The following EVC2 variants were observed in gnomAD, a reference collection of about 807,000 sequenced individuals.
The protein encoded by EVC2 is limbin.
A neutral mutation model predicts 149.3 loss-of-function variants in EVC2; 148 were observed. The ratio of observed to expected loss-of-function variants is 0.99; its 90% CI spans 0.87 to 1.14. EVC2 has a LOEUF of 1.14. Ranked by LOEUF, EVC2 falls within the 50% of genes most tolerant of loss-of-function variation. EVC2 has a pLI of 0.00. For missense variants in EVC2, 1,854 were observed against 1,627.3 expected (o/e 1.14, Z -2.40); for synonymous variants, 776 against 649.9 (o/e 1.19, Z -2.95).
intron 12 of EVC2, among the ~76,000 whole-genome samples, 191 bp downstream of exon 12, chr4:5,628,368 C>T (rs1348560957): frequency 2.0e-5 from 3 of 152,138 alleles, no homozygotes; most frequent in African/African-American, 7.2e-5. Flanking sequence ...CACTTCTTCC[C>T]ACATGATGCC....
At chr4:5,634,981 G>T (rs186966016) in intron 10 of EVC2, among the ~76,000 whole-genome samples, 36 of 148,324 alleles carry the variant, frequency 2.4e-4, no homozygotes, top group African/African-American at 7.4e-4. Context: ...TGGAAATCTG[G>T]GTTTTCTTAA....
intron 9 of EVC2, among the ~76,000 whole-genome samples, chr4:5,644,434 A>G (rs1253393314): frequency 2.6e-5 from 4 of 151,976 alleles, no homozygotes; most frequent in Non-Finnish European, 5.9e-5. Context: ...CCTCCCGAGT[A>G]GCTGGGACTA....
intron 7 of EVC2, 87 bp from the exon 8 acceptor site, chr4:5,665,736 C>A: frequency 6.4e-7 from 1 of 1,565,338 alleles, no homozygotes; most frequent in Non-Finnish European, 8.7e-7. Flanking sequence ...TCAGAGCAGA[C>A]CAAGCAGGGA....
rs1440162979 is a variant in EVC2 at position 5,637,870 on chromosome 4, T to C, written c.1470+2644A>G. ...TGGTTCTGAAATCAGACAGCCTTTC[T>C]GTAAGGGGCCATATTTTAGAGTTTG... On this transcript the variant is annotated intron_variant, in intron 10 of 21. Transcript: ENST00000344408. The surrounding 1 kb of genome is among the most constrained non-coding windows in gnomAD (Gnocchi z 4.4). Among the ~76,000 whole-genome samples, 1 of 151,986 alleles carries C rather than the reference T, an allele frequency of 6.6e-6. No individual in the cohort carries two copies. Among genetic ancestry groups the C allele is most frequent in the Non-Finnish European group, 1.5e-5 (1 of 67,992 alleles).
intron 21 of EVC2, among the ~76,000 whole-genome samples, chr4:5,550,526 G>C (rs974743465): frequency 6.6e-6 from 1 of 152,202 alleles, no homozygotes; most frequent in African/African-American, 2.4e-5. Flanking sequence ...GAGGTGACTT[G>C]CGTGCTGTTA....
intron 11 of EVC2, among the ~76,000 whole-genome samples, chr4:5,631,091 C>T (rs541601057): frequency 1.3e-5 from 2 of 152,236 alleles, no homozygotes; most frequent in South Asian, 2.1e-4. Flanking sequence ...TTTTCACTAC[C>T]GCCTAAGAAA....
At position 5,562,791 on chromosome 4, in the gene EVC2, G is replaced by C; in HGVS notation, c.*57C>G. On this transcript the variant is annotated 3_prime_UTR_variant, in exon 22 of 22. Transcript: ENST00000344408. The surrounding 1 kb of genome is among the most constrained non-coding windows in gnomAD (Gnocchi z 4.3). ...CATTATAAACACACAAACACCGGCG[G>C]GCAGGAGAAAATCATCCCTTCTCTC... 6.2e-7 allele frequency: 1 copy of C among 1,609,524 alleles called. No homozygotes were observed. Among genetic ancestry groups the C allele is most frequent in the Non-Finnish European group, 8.5e-7 (1 of 1,179,988 alleles).
Position 5,562,937 on chromosome 4 carries a change from C to T in EVC2, c.3838G>A (p.Glu1280Lys). 1 of 1,614,096 alleles carries T rather than the reference C, an allele frequency of 6.2e-7. No homozygotes were observed. The highest frequency in any genetic ancestry group is 8.5e-7 in the Non-Finnish European group (1 of 1,180,022). ...GGAACGTGCAGTGAGATCTCTGGCTCCTTTGGATTTCTGAATATAAAGAGC... is the reference window on the plus strand; with the variant it reads ...GGAACGTGCAGTGAGATCTCTGGCTTCTTTGGATTTCTGAATATAAAGAGC... ...EKLFIFRNPK[E>K]PEISLHVPPR... Residue 1280 changes from glutamate to lysine, a missense_variant, in exon 22 of 22, where the codon GAG becomes AAG. By Grantham distance (56) the Glu-to-Lys change is moderately conservative (BLOSUM62 1). Coordinates refer to ENST00000344408, the MANE Select transcript of EVC2 (RefSeq NM_147127.5). The surrounding 1 kb of genome is among the most constrained non-coding windows in gnomAD (Gnocchi z 4.3).
At chr4:5,706,189 T>C (rs1722119874) in intron 1 of EVC2, among the ~76,000 whole-genome samples, 1 of 151,684 alleles carries the variant, frequency 6.6e-6, no homozygotes, top group South Asian at 2.1e-4. Flanking sequence ...CCACCCTCTC[T>C]CACGGCTCCC....
Position 5,636,648 on chromosome 4 carries a change from T to C in EVC2, c.1470+3866A>G, listed in dbSNP as rs1716906502. Among the ~76,000 whole-genome samples, 1 of 151,890 alleles carries C rather than the reference T, an allele frequency of 6.6e-6. No individual in the cohort carries two copies. The highest frequency in any genetic ancestry group is 1.5e-5 in the Non-Finnish European group (1 of 67,944). On this transcript the variant is annotated intron_variant, in intron 10 of 21. Coordinates refer to ENST00000344408, the MANE Select transcript of EVC2 (RefSeq NM_147127.5). The surrounding 1 kb of genome is among the most constrained non-coding windows in gnomAD (Gnocchi z 4.6). ...GAGAATTTGTGGATTTTGGTATCCA[T>C]GGGGGTGGGATGGTGGGGAGGGTCC... is the stretch of plus-strand genomic sequence containing the variant.
the EVC2 span, among the ~76,000 whole-genome samples, chr4:5,531,578 G>A: frequency 6.6e-6 from 1 of 152,034 alleles, no homozygotes; most frequent in Admixed American, 6.6e-5. Flanking sequence ...GATCAGTGGC[G>A]GCATTAGATT....
At chr4:5,583,203 T>A (rs1711959975) in intron 17 of EVC2, among the ~76,000 whole-genome samples, 1 of 152,218 alleles carries the variant, frequency 6.6e-6, no homozygotes, top group Non-Finnish European at 1.5e-5. Flanking sequence ...ATTTCTAGAA[T>A]AAACCCAACC....
intron 16 of EVC2, among the ~76,000 whole-genome samples, chr4:5,588,372 T>C (rs1036731758): frequency 3.3e-5 from 5 of 152,142 alleles, no homozygotes; most frequent in Non-Finnish European, 7.4e-5. Flanking sequence ...CTTAGAAAAA[T>C]TTTCCTCAAG....
chr4:5,688,876 A>G (rs769022762), intron 5 of EVC2, among the ~76,000 whole-genome samples: 24 of 152,230 alleles, frequency 1.6e-4, no homozygotes, highest in South Asian at 2.1e-4. Context: ...AATTTTTCAT[A>G]ATAAAAATAG....
intron 9 of EVC2, among the ~76,000 whole-genome samples, chr4:5,655,978 G>C (rs1456154624): frequency 6.6e-6 from 1 of 152,192 alleles, no homozygotes; most frequent in Non-Finnish European, 1.5e-5. Flanking sequence ...CATGTGCAAG[G>C]AACCATGTCT....
chr4:5,686,473 T>G lies in EVC2; in HGVS notation c.707-994A>C, dbSNP rs1720720845. 6.6e-6 allele frequency among the ~76,000 whole-genome samples: 1 copy of G among 152,092 alleles called. No homozygotes were observed. Among genetic ancestry groups the G allele is most frequent in the Admixed American group, 6.6e-5 (1 of 15,260 alleles). On this transcript the variant is annotated intron_variant, in intron 5 of 21. Transcript: ENST00000344408. This position sits in a 1 kb window ranked among gnomAD's most constrained non-coding sequence, Gnocchi z 5.4. ...TAGTCAGACCTTCCCCATACAGTGA[T>G]TTCATCACTCTCCACGTGCTGCACC... is the stretch of plus-strand genomic sequence containing the variant.
chr4:5,568,396 T>A, intron 20 of EVC2, 48 bp downstream of exon 20: 1 of 1,531,104 alleles, frequency 6.5e-7, no homozygotes, highest in African/African-American at 1.4e-5. Flanking sequence ...ATGGGGACCC[T>A]TGTGGACAGG....
intron 9 of EVC2, among the ~76,000 whole-genome samples, chr4:5,648,442 A>G (rs1373718434): frequency 6.6e-6 from 1 of 152,216 alleles, no homozygotes; most frequent in Non-Finnish European, 1.5e-5. Context: ...GGAAAATGGC[A>G]GGTGCTGTAC....
chr4:5,600,158 A>T (rs1340187600), intron 16 of EVC2, among the ~76,000 whole-genome samples: 1 of 152,170 alleles, frequency 6.6e-6, no homozygotes, highest in Non-Finnish European at 1.5e-5. Flanking sequence ...TAGCTGTGTG[A>T]CCAAGGCAAG....
Sources: gnomAD v4.1 joint callset for allele counts (sites outside exome capture counted in the v4.1 genomes callset) on GRCh38, gnomAD v4.1.1 for gene constraint, Gnocchi (gnomAD v3.1) non-coding constraint, MANE v1.5 for transcripts, NCBI Gene and HGNC (gene_info 2026-07-23, HGNC 2026-07-21) for gene names.